ZMAT1: variants seen among roughly 807,000 people sequenced by gnomAD.
ZMAT1 encodes the protein zinc finger matrin-type protein 1.
A neutral mutation model predicts 18.5 loss-of-function variants in ZMAT1; 11 were observed. The observed-to-expected ratio is 0.59, with a 90% CI of 0.37 to 0.98. The LOEUF (loss-of-function observed/expected upper bound fraction) is 0.98, where lower values mean the gene tolerates loss of function less well. ZMAT1 is among the 50% of genes least tolerant of loss of function. The probability of loss-of-function intolerance (pLI) is 0.01; values close to 1 mark genes in which losing one functional copy is unlikely to be tolerated. For synonymous variants in ZMAT1, 211 were observed against 176.4 expected (o/e 1.20, Z -1.55); for missense variants, 525 against 496.2 (o/e 1.06, Z -0.55).
rs1335887361 is a variant in ZMAT1, at chrX:101,931,558, C to T, written c.292+159G>A. On this transcript the variant is annotated intron_variant, in intron 1 of 5. Transcript: ENST00000651725. ...TTCAGTCCATCTTGCACACTCGGGG[C>T]TAATACGGCGGGGCGGGGCGGGGCG... 4 of 702,244 alleles carry T rather than the reference C, an allele frequency of 5.7e-6. No individual in the cohort carries two copies. The East Asian group carries it at 6.4e-4, about 112-fold the overall frequency. 57.9% of individuals were successfully genotyped at this position (702,244 alleles called of 1,213,427 possible).
chrX:101,912,440 T>C (rs754858961), intron 1 of ZMAT1, among the ~76,000 whole-genome samples: 2 of 112,467 alleles, frequency 1.8e-5, no homozygotes, highest in East Asian at 2.8e-4. Flanking sequence ...ACCAGAGATG[T>C]TCAAATTGGT....
At chrX:101,895,753 G>A (rs1489619501) in intron 4 of ZMAT1, 12 of 628,608 alleles carry the variant, frequency 1.9e-5, no homozygotes, top group African/African-American at 2.5e-5. Flanking sequence ...AAATTTGTTC[G>A]GATTATTCAA....
chrX:101,928,421 T>C (rs1478710074), intron 1 of ZMAT1, among the ~76,000 whole-genome samples: 2 of 112,209 alleles, frequency 1.8e-5, no homozygotes, highest in Non-Finnish European at 3.8e-5. Context: ...GCAGTGGCAC[T>C]ATCTCCGGTC....
intron 4 of ZMAT1, chrX:101,887,749 C>T (rs1405113433): frequency 9.0e-6 from 1 of 111,159 alleles, no homozygotes. Flanking sequence ...ATTGCGGGCC[C>T]AGGAAAACTC....
intron 1 of ZMAT1, among the ~76,000 whole-genome samples, chrX:101,912,916 T>C (rs1199250613): frequency 8.9e-6 from 1 of 112,039 alleles, no homozygotes; most frequent in Non-Finnish European, 1.9e-5. Context: ...CCCTCTACAT[T>C]TCTCTGCAGA....
At position 101,882,411 on chromosome X, in the gene ZMAT1, C is replaced by G. The variant is rs767390574; in HGVS notation, c.*1099G>C. 1 of 111,639 alleles carries G rather than the reference C, an allele frequency of 9.0e-6. No homozygotes were observed. The highest frequency in any genetic ancestry group is 9.5e-5 in the Admixed American group (1 of 10,473). The allele number at this position is 111,639 out of a possible 1,213,427, so 9.2% of individuals were successfully genotyped here. On this transcript the variant is annotated 3_prime_UTR_variant, in exon 6 of 6. Coordinates refer to ENST00000651725, the MANE Select transcript of ZMAT1 (RefSeq NM_001394560.1). ...GTTTATTATAGACTGTTTCATTTTC[C>G]ACTTTCAGAACTAGAAAATGCAAAA...
Position 101,884,765 on chromosome X carries a change from T to G in ZMAT1, c.833A>C (p.Gln278Pro). The G allele has an allele frequency of 8.3e-7, 1 of 1,209,898 alleles. No individual in the cohort carries two copies. The highest frequency in any genetic ancestry group is 1.8e-5 in the South Asian group (1 of 56,946). ...KNSRKTQDSYQNECADYINVQ... is the reference protein window; with the variant it reads ...KNSRKTQDSYPNECADYINVQ... ...ATTGATGTAATCTGCACACTCATTT[T>G]GGTAAGAGTCTTGTGTCTTCCTTGA... Residue 278 changes from glutamine to proline, a missense_variant, in exon 6 of 6, where the codon CAA (glutamine) becomes CCA (proline). Coordinates refer to ENST00000651725, the MANE Select transcript of ZMAT1 (RefSeq NM_001394560.1).
intron 1 of ZMAT1, among the ~76,000 whole-genome samples, chrX:101,921,201 ACAG>A (rs1477552941): frequency 1.8e-5 from 2 of 111,575 alleles, no homozygotes; most frequent in Non-Finnish European, 3.8e-5. Context: ...GCCTAGCTGC[ACAG>A]CAGAATCACC....
In ZMAT1 at chrX:101,886,665, C is replaced by T. The variant is rs1481266586; in HGVS notation, c.743G>A (p.Arg248Gln). ...SIAFTSLDMF[R>Q]SHMQGSEHQI... ...ATGTTCACTTCCTTGCATGTGGGAC[C>T]GGAACATATCTAAAGATGTAAAAGC... is the stretch of plus-strand genomic sequence containing the variant. Residue 248 changes from arginine to glutamine, a missense_variant, in exon 5 of 6, where the codon CGG becomes CAG. Physicochemically the swap from Arg to Gln is conservative, Grantham distance 43. Coordinates refer to ENST00000651725, the MANE Select transcript of ZMAT1 (RefSeq NM_001394560.1). 2.5e-6 allele frequency: 3 copies of T among 1,205,186 alleles called. No homozygotes were observed. Among genetic ancestry groups the T allele is most frequent in the Admixed American group, 2.2e-5 (1 of 45,204 alleles).
chrX:101,922,123 G>A, intron 1 of ZMAT1, among the ~76,000 whole-genome samples: 1 of 111,133 alleles, frequency 9.0e-6, no homozygotes, highest in Non-Finnish European at 1.9e-5. Context: ...CTGCCACCAG[G>A]AGGCTCATGG....
At chrX:101,916,693 T>G (rs1402831944) in intron 1 of ZMAT1, among the ~76,000 whole-genome samples, 1 of 111,247 alleles carries the variant, frequency 9.0e-6, no homozygotes, top group Non-Finnish European at 1.9e-5. Flanking sequence ...ATCTCAAAAT[T>G]TATATGGAAC....
chrX:101,918,967 G>A (rs1261144115), intron 1 of ZMAT1, among the ~76,000 whole-genome samples: 1 of 110,672 alleles, frequency 9.0e-6, no homozygotes, highest in Non-Finnish European at 1.9e-5. Flanking sequence ...CGTTTAGAAT[G>A]GTGTTGCCTA....
At position 101,892,725 on chromosome X, in the gene ZMAT1, G is replaced by A. The variant is rs1166462862; in HGVS notation, c.676+5143C>T. 5 of 748,363 alleles carry A rather than the reference G, an allele frequency of 6.7e-6. No individual in the cohort carries two copies. In the East Asian group the frequency reaches 7.6e-4, roughly 114 times the overall value. The allele number at this position is 748,363 out of a possible 1,213,427, so 61.7% of individuals were successfully genotyped here. Reference sequence around the variant, plus strand: ...CATACTTTAGTTCCATATCGTTATGGTAGCCATTCCTGTGCTAATAAGATC... The same window carrying A: ...CATACTTTAGTTCCATATCGTTATGATAGCCATTCCTGTGCTAATAAGATC... On this transcript the variant is annotated intron_variant, in intron 4 of 5. Coordinates refer to ENST00000651725, the MANE Select transcript of ZMAT1 (RefSeq NM_001394560.1).
intron 1 of ZMAT1, among the ~76,000 whole-genome samples, chrX:101,925,884 C>T (rs946013168): frequency 8.9e-6 from 1 of 112,254 alleles, no homozygotes; most frequent in African/African-American, 3.2e-5. Flanking sequence ...CATCTTTGGC[C>T]TCTGCCAATC....
intron 4 of ZMAT1, chrX:101,887,405 G>C: frequency 4.5e-6 from 1 of 221,308 alleles, no homozygotes; most frequent in African/African-American, 3.0e-5. Flanking sequence ...GGTAGAATTA[G>C]AAGCAAGGGA....
rs1926626013 is a variant in ZMAT1 at position 101,883,402 on chromosome X, C to T, written c.*108G>A. ...AAAAAACCTAAGTGTCCTGAAGTGA[C>T]ACTGACTGTATCTACCTCTCCTTTT... On this transcript the variant is annotated 3_prime_UTR_variant, in exon 6 of 6. Coordinates refer to ENST00000651725, the MANE Select transcript of ZMAT1 (RefSeq NM_001394560.1). 2 of 584,288 alleles carry T rather than the reference C, an allele frequency of 3.4e-6. No individual in the cohort carries two copies. Among genetic ancestry groups the T allele is most frequent in the Admixed American group, 8.3e-5 (2 of 24,113 alleles). The allele number at this position is 584,288 out of a possible 1,213,427, so 48.2% of individuals were successfully genotyped here.
chrX:101,899,249 G>A (rs1437692515), intron 2 of ZMAT1, among the ~76,000 whole-genome samples: 5 of 111,480 alleles, frequency 4.5e-5, no homozygotes, highest in African/African-American at 6.5e-5. Flanking sequence ...CATTTCCTGA[G>A]CACATAATGT....
intron 1 of ZMAT1, among the ~76,000 whole-genome samples, chrX:101,925,858 A>T (rs771773864): frequency 9.8e-5 from 11 of 112,479 alleles, no homozygotes; most frequent in Non-Finnish European, 1.9e-4. Flanking sequence ...CCTACGCATT[A>T]TAGGATATTT....
rs879003044 is a variant in ZMAT1, at chrX:101,883,197, C to A, written c.*313G>T. On this transcript the variant is annotated 3_prime_UTR_variant, in exon 6 of 6. Coordinates refer to ENST00000651725, the MANE Select transcript of ZMAT1 (RefSeq NM_001394560.1). ...CTGATTTCCTCAATTAATCCTTGGGCAAACAAAACTAAAAGTTCAATACCC... is the reference window on the plus strand; with the variant it reads ...CTGATTTCCTCAATTAATCCTTGGGAAAACAAAACTAAAAGTTCAATACCC... 1 of 165,794 alleles carries A rather than the reference C, an allele frequency of 6.0e-6. No individual in the cohort carries two copies. The highest frequency in any genetic ancestry group is 1.2e-4 in the East Asian group (1 of 8,073). 13.7% of individuals were successfully genotyped at this position (165,794 alleles called of 1,213,427 possible). A position where few individuals can be genotyped will look rare whatever the true frequency, so the allele number is the denominator to read the frequency against.
Sources: gnomAD v4.1 joint callset for allele counts (sites outside exome capture counted in the v4.1 genomes callset) on GRCh38, gnomAD v4.1.1 for gene constraint, MANE v1.5 for transcripts, NCBI Gene and HGNC (gene_info 2026-07-23, HGNC 2026-07-21) for gene names.